Variants in TMEM17 observed in about 807,000 individuals in gnomAD.
TMEM17 encodes the protein transmembrane protein 17.
A neutral mutation model predicts 19.1 loss-of-function variants in TMEM17; 15 were observed. The ratio of observed to expected loss-of-function variants is 0.78; its 90% confidence interval spans 0.52 to 1.21. The LOEUF (loss-of-function observed/expected upper bound fraction) is 1.21. Ranked by LOEUF, TMEM17 falls within the 50% of genes most tolerant of loss-of-function variation. TMEM17 has a pLI of 0.00. For synonymous variants in TMEM17, 103 were observed against 86.9 expected (o/e 1.19, Z -1.03); for missense variants, 245 against 242.3 (o/e 1.01, Z -0.07).
At chr2:62,502,601 G>T in intron 2 of TMEM17, 51 bp from the exon 3 acceptor site, 1 of 1,401,236 alleles carries the variant, frequency 7.1e-7, no homozygotes, top group South Asian at 1.3e-5. Context: ...TAGTAACATT[G>T]ATTTAAGATA....
intron 1 of TMEM17, among the ~76,000 whole-genome samples, chr2:62,505,256 T>G (rs1467565978): frequency 6.6e-6 from 1 of 152,050 alleles, no homozygotes; most frequent in African/African-American, 2.4e-5. Context: ...CATCATGATG[T>G]AGGAGGAGGA....
the TMEM17 span, among the ~76,000 whole-genome samples, chr2:62,490,654 T>G: frequency 1.3e-5 from 2 of 152,210 alleles, no homozygotes; most frequent in African/African-American, 4.8e-5. Flanking sequence ...GGATCATAGA[T>G]TCAGAGGGCT....
chr2:62,480,378 T>C, the TMEM17 span, among the ~76,000 whole-genome samples: 12 of 152,340 alleles, frequency 7.9e-5, no homozygotes, highest in East Asian at 2.1e-3. Flanking sequence ...GTCCTTTCAG[T>C]CTGTCGTTTT....
the TMEM17 span, among the ~76,000 whole-genome samples, chr2:62,458,361 T>C: frequency 6.6e-6 from 1 of 152,216 alleles, no homozygotes; most frequent in Non-Finnish European, 1.5e-5. Flanking sequence ...CAGACCCTTC[T>C]GCTCCCCTTG....
At chr2:62,482,436 G>A in the TMEM17 span, among the ~76,000 whole-genome samples, 1 of 152,326 alleles carries the variant, frequency 6.6e-6, no homozygotes, top group Non-Finnish European at 1.5e-5. Context: ...AGAAGTTGTA[G>A]TGAGCATGTT....
Position 62,502,724 on chromosome 2 carries a change from C to T in TMEM17, c.171G>A (p.Trp57Ter). The T allele has an allele frequency of 6.2e-7, 1 of 1,609,780 alleles. No individual in the cohort carries two copies. The highest frequency in any genetic ancestry group is 1.1e-5 in the South Asian group (1 of 89,896). ...GAAGCATCATAATGCTGCTCACCCA[C>T]CACAGTGGGAAATAGTAGGTATTAA... ...LYFNTYYFPL[W>*]WVSSIMMLHM... Residue 57 changes from tryptophan to a stop codon, truncating the protein, a stop_gained, in exon 2 of 4, where the codon TGG (tryptophan) becomes TGA (stop). Coordinates refer to ENST00000335390, the MANE Select transcript of TMEM17 (RefSeq NM_198276.3). LOFTEE classifies it high-confidence loss of function.
chr2:62,467,706 G>T, the TMEM17 span, among the ~76,000 whole-genome samples: 1 of 152,126 alleles, frequency 6.6e-6, no homozygotes, highest in Non-Finnish European at 1.5e-5. Context: ...GCCAGGTGGA[G>T]CTGTGATGAT....
At chr2:62,464,350 G>A in the TMEM17 span, among the ~76,000 whole-genome samples, 23 of 152,340 alleles carry the variant, frequency 1.5e-4, no homozygotes, top group Non-Finnish European at 2.8e-4. Context: ...CAAAGCAGCC[G>A]GCAGTTCCAG....
the TMEM17 span, among the ~76,000 whole-genome samples, chr2:62,454,266 C>T: frequency 6.6e-6 from 1 of 152,320 alleles, no homozygotes; most frequent in South Asian, 2.1e-4. Flanking sequence ...GCAGTGTCTC[C>T]ACAGACCCAG....
At chr2:62,477,851 T>C in the TMEM17 span, among the ~76,000 whole-genome samples, 2 of 152,198 alleles carry the variant, frequency 1.3e-5, no homozygotes, top group Non-Finnish European at 2.9e-5. Context: ...CATTCCTTTA[T>C]CTGCTGTCTC....
At chr2:62,505,607 A>T (rs1573439144) in intron 1 of TMEM17, among the ~76,000 whole-genome samples, 1 of 152,328 alleles carries the variant, frequency 6.6e-6, no homozygotes, top group Admixed American at 6.5e-5. Context: ...ATTCCTCGTC[A>T]TCCTGGACAG....
chr2:62,468,415 T>A, the TMEM17 span, among the ~76,000 whole-genome samples: 2 of 152,230 alleles, frequency 1.3e-5, no homozygotes, highest in African/African-American at 4.8e-5. Context: ...CGTTTGACAT[T>A]TAGCCTGAAG....
chr2:62,479,638 C>T, the TMEM17 span, among the ~76,000 whole-genome samples: 1 of 152,074 alleles, frequency 6.6e-6, no homozygotes, highest in Non-Finnish European at 1.5e-5. Context: ...GTAATCCCTG[C>T]AGTTTGGGAG....
the TMEM17 span, among the ~76,000 whole-genome samples, chr2:62,489,786 T>A: frequency 1.1e-3 from 175 of 152,288 alleles, no homozygotes; most frequent in African/African-American, 4.0e-3. Context: ...GTTAAAAAAA[T>A]TTTTAAAAAT....
At chr2:62,462,239 G>A in the TMEM17 span, among the ~76,000 whole-genome samples, 1 of 152,076 alleles carries the variant, frequency 6.6e-6, no homozygotes, top group Admixed American at 6.5e-5. Flanking sequence ...CCGCCATAGG[G>A]GTCTCAGGCC....
the TMEM17 span, among the ~76,000 whole-genome samples, chr2:62,481,864 A>G: frequency 6.6e-6 from 1 of 152,100 alleles, no homozygotes; most frequent in African/African-American, 2.4e-5. Flanking sequence ...CAGGTGAGAA[A>G]AAGGACAAGC....
At chr2:62,486,489 A>T in the TMEM17 span, among the ~76,000 whole-genome samples, 6 of 152,208 alleles carry the variant, frequency 3.9e-5, no homozygotes, top group Admixed American at 3.9e-4. Flanking sequence ...CAGCAAGAAT[A>T]GAATAAGAAT....
the TMEM17 span, among the ~76,000 whole-genome samples, chr2:62,477,877 G>A: frequency 6.6e-6 from 1 of 152,098 alleles, no homozygotes; most frequent in Non-Finnish European, 1.5e-5. Flanking sequence ...TTGAGGGGCC[G>A]CCTGACCTGC....
the TMEM17 span, among the ~76,000 whole-genome samples, chr2:62,483,483 C>A: frequency 1.3e-5 from 2 of 152,268 alleles, no homozygotes; most frequent in African/African-American, 4.8e-5. Flanking sequence ...CGTATGGAGG[C>A]CTTGAACAGA....
Sources: gnomAD v4.1 joint callset for allele counts (sites outside exome capture counted in the v4.1 genomes callset) on GRCh38, gnomAD v4.1.1 for gene constraint, MANE v1.5 for transcripts, NCBI Gene and HGNC (gene_info 2026-07-23, HGNC 2026-07-21) for gene names.